TSPAN14: variants seen among roughly 807,000 people sequenced by gnomAD.
TSPAN14 encodes the protein tetraspanin-14.
Under a neutral mutation model 36.6 loss-of-function variants are expected in TSPAN14, and 16 were observed. The observed-to-expected ratio is 0.44, with a 90% CI of 0.30 to 0.66. The LOEUF (loss-of-function observed/expected upper bound fraction) is 0.66, where lower values mean the gene tolerates loss of function less well. Ranked by LOEUF, TSPAN14 falls within the 30% of genes least tolerant of loss-of-function variation. The pLI, the probability that TSPAN14 is intolerant of heterozygous loss-of-function variation, is 0.12. For synonymous variants in TSPAN14, 139 were observed against 143.8 expected (o/e 0.97, Z 0.24); for missense variants, 231 against 355.1 (o/e 0.65, Z 2.81).
intron 1 of TSPAN14, among the ~76,000 whole-genome samples, chr10:80,458,823 A>AG (rs373817338): frequency 2.6e-5 from 4 of 152,050 alleles, no homozygotes; most frequent in African/African-American, 7.2e-5. Context: ...AGGCCCTGGC[A>AG]GGGGGGCAGT....
exon 8 of TSPAN14, chr10:80,516,262 G>C: frequency 6.2e-7 from 1 of 1,614,274 alleles, no homozygotes; most frequent in South Asian, 1.1e-5. Context: ...GCGCTGGAAA[G>C]CTGGCTCCCG....
chr10:80,495,536 G>A (rs1848155503), intron 2 of TSPAN14, among the ~76,000 whole-genome samples: 1 of 152,170 alleles, frequency 6.6e-6, no homozygotes, highest in Admixed American at 6.5e-5. Flanking sequence ...GTGAGGCTGG[G>A]ACCACCAGTT....
intron 4 of TSPAN14, among the ~76,000 whole-genome samples, chr10:80,508,906 T>C (rs1034303879): frequency 1.3e-5 from 2 of 152,156 alleles, no homozygotes; most frequent in Admixed American, 6.5e-5. Context: ...CACCCCAGGA[T>C]GCCACCCTGG....
chr10:80,489,134 T>G, intron 1 of TSPAN14, 83 bp from the exon 2 acceptor site: 1 of 891,256 alleles, frequency 1.1e-6, no homozygotes, highest in Non-Finnish European at 1.8e-6. Flanking sequence ...TCGGGAGCTT[T>G]CTAGAATCCG....
intron 2 of TSPAN14, among the ~76,000 whole-genome samples, chr10:80,496,073 AATTT>A (rs1848183967): frequency 6.6e-6 from 1 of 152,076 alleles, no homozygotes; most frequent in Non-Finnish European, 1.5e-5. Context: ...CTTTTGAAAT[AATTT>A]CTTATTTTTT....
intron 1 of TSPAN14, among the ~76,000 whole-genome samples, chr10:80,474,520 G>C (rs977888016): frequency 1.3e-5 from 2 of 151,958 alleles, no homozygotes; most frequent in Admixed American, 6.5e-5. Context: ...AAGCTCCTGA[G>C]TGTCTGGGTG....
At chr10:80,504,564 G>A (rs1198955347) in intron 2 of TSPAN14, among the ~76,000 whole-genome samples, 164 bp from the exon 3 acceptor site, 1 of 152,234 alleles carries the variant, frequency 6.6e-6, no homozygotes, top group African/African-American at 2.4e-5. Flanking sequence ...AGATATTCAG[G>A]AAGGTAGGTT....
chr10:80,519,718 G>T (rs1841153486), exon 9 of TSPAN14: 1 of 152,422 alleles, frequency 6.6e-6, no homozygotes, highest in South Asian at 2.1e-4. Flanking sequence ...GGAACCAAGG[G>T]ATAGGGTATG....
intron 1 of TSPAN14, chr10:80,485,774 C>A: frequency 1.3e-6 from 1 of 763,512 alleles, no homozygotes; most frequent in Non-Finnish European, 1.6e-6. Context: ...AGAAGGAAAA[C>A]TGAAATGTTT....
In TSPAN14 at chr10:80,504,604, G is replaced by A. The variant is rs1840186095; in HGVS notation, c.82-124G>A. The A allele has an allele frequency of 3.7e-6, 4 of 1,094,162 alleles. No homozygotes were observed. The East Asian group carries it at 9.5e-5, about 26-fold the overall frequency. 67.8% of individuals were successfully genotyped at this position (1,094,162 alleles called of 1,614,324 possible). A position where few individuals can be genotyped will look rare whatever the true frequency, so the allele number is the denominator to read the frequency against. On this transcript the variant is annotated intron_variant, in intron 2 of 8. Coordinates refer to ENST00000429989, the Ensembl canonical transcript of TSPAN14. ...TTATCTGTCATCTGCGGGGCCTGAG[G>A]GGCCATGTGGGATGTGAGCTAGGAG...
intron 2 of TSPAN14, among the ~76,000 whole-genome samples, chr10:80,500,866 A>G (rs1038011225): frequency 6.6e-6 from 1 of 152,238 alleles, no homozygotes; most frequent in African/African-American, 2.4e-5. Flanking sequence ...AGAGGTGAGC[A>G]GGAGCAGGCC....
intron 3 of TSPAN14, among the ~76,000 whole-genome samples, chr10:80,506,808 A>G (rs536593127): frequency 1.4e-3 from 216 of 152,300 alleles, no homozygotes; most frequent in African/African-American, 4.8e-3. Context: ...GAGTGTTCAT[A>G]TTGAGGCTGT....
At position 80,487,183 on chromosome 10, in the gene TSPAN14, G is replaced by C. The variant is rs115247100; in HGVS notation, c.-17-2034G>C. On this transcript the variant is annotated intron_variant, in intron 1 of 8. Coordinates refer to ENST00000429989, the Ensembl canonical transcript of TSPAN14. ...TTGCCTACACGGAGCCCCTCTCTGCGAATCCGTGTGCTGCACCACAGCTCA... is the reference window on the plus strand; with the variant it reads ...TTGCCTACACGGAGCCCCTCTCTGCCAATCCGTGTGCTGCACCACAGCTCA... Among the ~76,000 whole-genome samples the C allele has an allele frequency of 3.5e-3, 539 of 152,304 alleles. 5 individuals are homozygous for C. Among genetic ancestry groups the C allele is most frequent in the African/African-American group, 0.013 (527 of 41,566 alleles).
At position 80,509,470 on chromosome 10, in the gene TSPAN14, C is replaced by T. The variant is rs746156708; in HGVS notation, c.449C>T (p.Ala150Val). Residue 150 changes from alanine to valine, a missense_variant and splice_region_variant, in exon 5 of 9, where the codon GCT becomes GTT. Coordinates refer to ENST00000429989, the Ensembl canonical transcript of TSPAN14. This position sits in a 1 kb window ranked among gnomAD's most constrained non-coding sequence, Gnocchi z 4.7. The stretch of plus-strand genomic sequence containing the variant: ...AACCTCATCGACTCCCTTCAGAAAG[C>T]TGTAAGCACCTCCCCAGCGGGCCCC... 23 of 1,613,340 alleles carry T rather than the reference C, an allele frequency of 1.4e-5. No homozygotes were observed. Among genetic ancestry groups the T allele is most frequent in the Non-Finnish European group, 1.9e-5 (23 of 1,179,772 alleles).
chr10:80,483,967 G>A (rs1368833598), intron 1 of TSPAN14, among the ~76,000 whole-genome samples: 1 of 137,798 alleles, frequency 7.3e-6, no homozygotes, highest in African/African-American at 2.7e-5. Flanking sequence ...AAATAGGCCA[G>A]GCACGGTGAC....
chr10:80,506,931 T>C (rs1840336061), intron 3 of TSPAN14, among the ~76,000 whole-genome samples: 2 of 152,210 alleles, frequency 1.3e-5, no homozygotes, highest in African/African-American at 4.8e-5. Context: ...CCCGTTTCCC[T>C]CCAGGCCTGG....
exon 8 of TSPAN14, chr10:80,516,272 G>T (rs367834904): frequency 6.2e-7 from 1 of 1,614,228 alleles, no homozygotes; most frequent in Admixed American, 1.7e-5. Context: ...GCTGGCTCCC[G>T]CGGAACATTT....
At chr10:80,463,898 G>A (rs1225557113) in intron 1 of TSPAN14, among the ~76,000 whole-genome samples, 2 of 152,246 alleles carry the variant, frequency 1.3e-5, no homozygotes, top group Non-Finnish European at 2.9e-5. Flanking sequence ...AGGTGCCAGC[G>A]TGTTGGTTCC....
Position 80,509,206 on chromosome 10 carries a change from G to A in TSPAN14, c.280-95G>A. 1.4e-6 allele frequency: 2 copies of A among 1,391,938 alleles called. 1 individual carries two copies. Among genetic ancestry groups the A allele is most frequent in the South Asian group, 2.6e-5 (2 of 75,540 alleles). The allele number at this position is 1,391,938 out of a possible 1,614,324, so 86.2% of individuals were successfully genotyped here. On this transcript the variant is annotated intron_variant, in intron 4 of 8. Coordinates refer to ENST00000429989, the Ensembl canonical transcript of TSPAN14. This position sits in a 1 kb window ranked among gnomAD's most constrained non-coding sequence, Gnocchi z 4.7. ...CTCTCAGGTGCAGAGCCCACGCTCT[G>A]CTGAGGATGGTGGTTCTGGGTCAGG...
Sources: allele counts gnomAD v4.1 joint callset (sites outside exome capture counted in the v4.1 genomes callset), GRCh38; gene constraint gnomAD v4.1.1; non-coding constraint Gnocchi (gnomAD v3.1); transcripts MANE v1.5; gene names NCBI Gene and HGNC (gene_info 2026-07-23, HGNC 2026-07-21).